The following VPS45 variants were observed in gnomAD, a reference collection of about 807,000 sequenced individuals.
VPS45 encodes the protein vacuolar protein sorting 45 homolog, also known as vacuolar protein sorting-associated protein 45.
A neutral mutation model predicts 75.9 loss-of-function variants in VPS45; 35 were observed. The observed-to-expected ratio is 0.46, with a 90% CI of 0.35 to 0.61. The LOEUF is 0.61. Ranked by LOEUF, VPS45 falls within the 20% of genes least tolerant of loss-of-function variation. The probability of loss-of-function intolerance (pLI) is 0.00; values close to 1 mark genes in which losing one functional copy is unlikely to be tolerated. For missense variants in VPS45, 559 were observed against 685.9 expected, an observed-to-expected ratio of 0.81 and a Z score of 2.07; for synonymous variants, 220 against 238.2, an observed-to-expected ratio of 0.92 and a Z score of 0.70.
intron 3 of VPS45, among the ~76,000 whole-genome samples, chr1:150,075,185 A>G (rs1655309102): frequency 6.9e-6 from 1 of 145,958 alleles, no homozygotes; most frequent in Non-Finnish European, 1.5e-5. Flanking sequence ...GGATCAAAGT[A>G]AGGTTCACAC....
rs201639610 is a variant in VPS45, at chr1:150,092,342, G to C, written c.1304G>C (p.Arg435Thr). The C allele has an allele frequency of 2.5e-6, 4 of 1,614,136 alleles. No individual in the cohort carries two copies. Among genetic ancestry groups the C allele is most frequent in the Non-Finnish European group, 3.4e-6 (4 of 1,180,016 alleles). The change falls in exon 12 of 15, where the codon AGA becomes ACA. Residue 435 changes from arginine to threonine, a missense_variant. Transcript: ENST00000644510. The stretch of plus-strand genomic sequence containing the variant: ...GTTGAATATGGTGGTAAACGAGTCA[G>C]AGGAAGTGACCTCTTCAGCCCCAAA... ...AVVEYGGKRV[R>T]GSDLFSPKDA... is the part of the protein sequence containing the mutation.
intron 8 of VPS45, among the ~76,000 whole-genome samples, 158 bp downstream of exon 8, chr1:150,081,634 G>C (rs1553799406): frequency 6.6e-6 from 1 of 152,090 alleles, no homozygotes; most frequent in East Asian, 1.9e-4. Flanking sequence ...CAGAAGACTT[G>C]GATTCTGACC....
intron 13 of VPS45, among the ~76,000 whole-genome samples, chr1:150,105,194 C>T (rs1241608611): frequency 1.3e-5 from 2 of 152,110 alleles, no homozygotes; most frequent in African/African-American, 2.4e-5. Context: ...AAGTTGGAAG[C>T]ATTTCCCCTA....
At chr1:150,135,728 G>A (rs1227246154) in intron 14 of VPS45, among the ~76,000 whole-genome samples, 13 of 151,728 alleles carry the variant, frequency 8.6e-5, no homozygotes, top group Admixed American at 7.2e-4. Context: ...TGCAACCTCC[G>A]CCTCCTAGGT....
At chr1:150,082,514 C>CAAAAA (rs782675159) in intron 9 of VPS45, among the ~76,000 whole-genome samples, 1 of 139,494 alleles carries the variant, frequency 7.2e-6, no homozygotes, top group Non-Finnish European at 1.5e-5. Flanking sequence ...AACTCTGTCT[C>CAAAAA]AAAAAAAAAA....
At chr1:150,093,844 C>T (rs1553802555) in intron 13 of VPS45, among the ~76,000 whole-genome samples, 196 bp downstream of exon 13, 1 of 152,174 alleles carries the variant, frequency 6.6e-6, no homozygotes, top group African/African-American at 2.4e-5. Flanking sequence ...TTCTTTTGTA[C>T]TAAAGAAACA....
intron 10 of VPS45, among the ~76,000 whole-genome samples, chr1:150,084,907 A>T (rs1553800373): frequency 6.6e-6 from 1 of 150,966 alleles, no homozygotes. Context: ...CCCTTCCTCT[A>T]AGCATGATTT....
At chr1:150,085,983 G>A (rs587654774) in intron 10 of VPS45, among the ~76,000 whole-genome samples, 1 of 152,050 alleles carries the variant, frequency 6.6e-6, no homozygotes, top group South Asian at 2.1e-4. Context: ...CCTATACCCT[G>A]CCCCCCATGC....
At chr1:150,141,054 G>T (rs1659366500) in intron 14 of VPS45, among the ~76,000 whole-genome samples, 1 of 152,214 alleles carries the variant, frequency 6.6e-6, no homozygotes, top group Non-Finnish European at 1.5e-5. Flanking sequence ...AGCCGTGGAA[G>T]TTGAGAGGTG....
chr1:150,109,771 G>C (rs1657544663), intron 13 of VPS45: 1 of 152,174 alleles, frequency 6.6e-6, no homozygotes, highest in South Asian at 2.1e-4. Context: ...AGGAAACAGA[G>C]TAAAACAACA....
At chr1:150,144,629 G>T in intron 14 of VPS45, 80 bp from the exon 15 acceptor site, 2 of 1,237,398 alleles carry the variant, frequency 1.6e-6, no homozygotes, top group Non-Finnish European at 2.3e-6. Flanking sequence ...TTTTCATCTG[G>T]TTAGATGTCC....
chr1:150,133,415 G>A (rs959263119), intron 14 of VPS45, among the ~76,000 whole-genome samples: 1 of 152,198 alleles, frequency 6.6e-6, no homozygotes, highest in East Asian at 1.9e-4. Context: ...TTAGCCGGGC[G>A]TGGTGGTGGG....
intron 14 of VPS45, among the ~76,000 whole-genome samples, chr1:150,131,877 T>C (rs1288491782): frequency 6.6e-6 from 1 of 151,960 alleles, no homozygotes; most frequent in Non-Finnish European, 1.5e-5. Context: ...TATCAATGTG[T>C]GTGGAGAAGG....
In VPS45 at chr1:150,068,679, A is replaced by G. The variant is rs1654858816; in HGVS notation, c.143A>G (p.Glu48Gly). The G allele has an allele frequency of 6.2e-7, 1 of 1,612,890 alleles. No homozygotes were observed. The highest frequency in any genetic ancestry group is 1.3e-5 in the African/African-American group (1 of 74,886). ...VYTQSEILQK[E>G]VYLFERIDSQ... ...ACACAATCGGAGATTCTACAGAAGGAAGTGTACCTCTTTGAACGCATTGAT... is the reference window on the plus strand; with the variant it reads ...ACACAATCGGAGATTCTACAGAAGGGAGTGTACCTCTTTGAACGCATTGAT... Residue 48 changes from glutamate to glycine, a missense_variant, in exon 2 of 15, where the codon GAA becomes GGA. By Grantham distance (98) the Glu-to-Gly change is moderately conservative. Transcript: ENST00000644510.
chr1:150,076,832 A>G (rs2101517830), intron 4 of VPS45, 84 bp from the exon 5 acceptor site: 1 of 1,485,884 alleles, frequency 6.7e-7, no homozygotes, highest in South Asian at 1.2e-5. Context: ...GTTTGGCTAT[A>G]TCATATTATA....
At chr1:150,074,103 C>T (rs1420484081) in intron 3 of VPS45, among the ~76,000 whole-genome samples, 11 of 151,668 alleles carry the variant, frequency 7.3e-5, no homozygotes, top group Admixed American at 4.6e-4. Context: ...CAACCTCCAC[C>T]TCCCGGGTTC....
intron 13 of VPS45, among the ~76,000 whole-genome samples, chr1:150,104,980 CTAGTTCTATTTT>C (rs1657239850): frequency 6.6e-6 from 1 of 152,178 alleles, no homozygotes; most frequent in Non-Finnish European, 1.5e-5. Context: ...GGCTTAATTG[CTAGTTCTATTTT>C]TAGTTCTTTG....
intron 3 of VPS45, among the ~76,000 whole-genome samples, chr1:150,073,597 A>G (rs1655195233): frequency 2.0e-5 from 3 of 152,100 alleles, no homozygotes; most frequent in African/African-American, 7.2e-5. Flanking sequence ...TTTTCTTTTT[A>G]AAATTAAACT....
intron 13 of VPS45, among the ~76,000 whole-genome samples, chr1:150,099,471 C>T (rs1656848249): frequency 6.6e-6 from 1 of 150,520 alleles, no homozygotes; most frequent in African/African-American, 2.4e-5. Context: ...AAGATTGCGC[C>T]ACTGCACTCC....
Sources: gnomAD v4.1 joint callset for allele counts (sites outside exome capture counted in the v4.1 genomes callset) on GRCh38, gnomAD v4.1.1 for gene constraint, MANE v1.5 for transcripts, NCBI Gene and HGNC (gene_info 2026-07-23, HGNC 2026-07-21) for gene names.